The following GRAMD1B variants were observed in gnomAD, a reference collection of about 807,000 sequenced individuals.
GRAMD1B encodes GRAM domain containing 1B, also known as protein Aster-B.
In GRAMD1B, 37 loss-of-function variants were observed where a neutral mutation model predicts 99.7. The ratio of observed to expected loss-of-function variants is 0.37; its 90% CI spans 0.29 to 0.49. The LOEUF (loss-of-function observed/expected upper bound fraction) is 0.49. Among genes scored for constraint, GRAMD1B ranks in the 20% least tolerant of loss-of-function variants. GRAMD1B has a pLI of 0.98. For synonymous variants in GRAMD1B, 427 were observed against 387.6 expected, an observed-to-expected ratio of 1.10 and a Z score of -1.19; for missense variants, 888 against 1,009.2, an observed-to-expected ratio of 0.88 and a Z score of 1.63.
Position 123,543,509 on chromosome 11 carries a change from C to T in GRAMD1B, c.453-33858C>T, listed in dbSNP as rs183602989. Among the ~76,000 whole-genome samples the T allele has an allele frequency of 7.2e-5, 11 of 152,326 alleles. No homozygotes were observed. The East Asian group carries it at 1.9e-3, about 27-fold the overall frequency. ...AGGAGGAAACCCTGCTTATGGGCAG[C>T]TCCCACTGTCACATAACAGCAAGAA... On this transcript the variant is annotated intron_variant, in intron 2 of 19. Transcript: ENST00000635736.
chr11:123,594,217 G>A (rs1950990807), intron 5 of GRAMD1B, 51 bp downstream of exon 5: 13 of 1,251,240 alleles, frequency 1.0e-5, no homozygotes, highest in East Asian at 6.9e-5. Context: ...GGGAGCCCCC[G>A]GCATAGCACT....
chr11:123,526,716 C>T (rs1235764580), intron 2 of GRAMD1B, among the ~76,000 whole-genome samples: 2 of 152,270 alleles, frequency 1.3e-5, no homozygotes, highest in East Asian at 3.9e-4. Context: ...GAGTGGACCG[C>T]TGCCTACCCC....
chr11:123,540,501 G>T lies in GRAMD1B; in HGVS notation c.453-36866G>T, dbSNP rs898391334. Among the ~76,000 whole-genome samples the T allele has an allele frequency of 3.9e-5, 6 of 152,150 alleles. No homozygotes were observed. In the East Asian group the frequency reaches 1.2e-3, roughly 29 times the overall value. On this transcript the variant is annotated intron_variant, in intron 2 of 19. Transcript: ENST00000635736. ...CACTTTGCATTTGTATAGTATTTTT[G>T]CTTTTTAGAGTTCTCTTACATATGT...
chr11:123,554,157 C>A (rs958699872), intron 2 of GRAMD1B, among the ~76,000 whole-genome samples: 1 of 152,188 alleles, frequency 6.6e-6, no homozygotes, highest in Admixed American at 6.5e-5. Flanking sequence ...TCAGTTTCCT[C>A]TTCCATAAAG....
chr11:123,427,105 G>A (rs989872530), upstream of GRAMD1B, among the ~76,000 whole-genome samples: 4 of 152,302 alleles, frequency 2.6e-5, no homozygotes, highest in Middle Eastern at 3.4e-3. Context: ...CTGTGCGGTC[G>A]CTGAGAGCCA....
chr11:123,611,449 T>C (rs956558853), intron 14 of GRAMD1B, among the ~76,000 whole-genome samples: 3 of 152,058 alleles, frequency 2.0e-5, no homozygotes, highest in African/African-American at 7.2e-5. Context: ...AAAGAGGGCC[T>C]GCATCTTTTT....
chr11:123,482,162 A>G (rs1213601884), intron 2 of GRAMD1B, among the ~76,000 whole-genome samples: 1 of 151,706 alleles, frequency 6.6e-6, no homozygotes, highest in Non-Finnish European at 1.5e-5. Context: ...GCAGTGGTGC[A>G]ATCTCAGCTC....
At chr11:123,560,852 C>T (rs573857720) in intron 2 of GRAMD1B, among the ~76,000 whole-genome samples, 1 of 152,074 alleles carries the variant, frequency 6.6e-6, no homozygotes, top group Non-Finnish European at 1.5e-5. Context: ...TCTCATCTGA[C>T]GCAGGCTGCT....
chr11:123,520,154 G>A (rs766541939), intron 2 of GRAMD1B, among the ~76,000 whole-genome samples: 2 of 152,194 alleles, frequency 1.3e-5, no homozygotes, highest in African/African-American at 2.4e-5. Context: ...CAAAGCAGCT[G>A]CAATCAAAAG....
intron 2 of GRAMD1B, among the ~76,000 whole-genome samples, chr11:123,531,804 C>T (rs867155659): frequency 5.7e-5 from 8 of 141,228 alleles, no homozygotes; most frequent in Non-Finnish European, 1.0e-4. Flanking sequence ...GGTGCGATCT[C>T]GGCTCACCTC....
chr11:123,494,056 C>T (rs1055613009), intron 2 of GRAMD1B, among the ~76,000 whole-genome samples: 3 of 152,174 alleles, frequency 2.0e-5, no homozygotes, highest in African/African-American at 7.2e-5. Flanking sequence ...TTGTCTGTCT[C>T]CCCAACTAGT....
chr11:123,583,836 T>C (rs1431116392), intron 3 of GRAMD1B, among the ~76,000 whole-genome samples: 1 of 152,196 alleles, frequency 6.6e-6, no homozygotes, highest in Non-Finnish European at 1.5e-5. Flanking sequence ...ACCCGCCTGC[T>C]GAGAGTGCAG....
At chr11:123,561,816 A>T (rs542576429) in intron 2 of GRAMD1B, among the ~76,000 whole-genome samples, 1 of 152,306 alleles carries the variant, frequency 6.6e-6, no homozygotes, top group South Asian at 2.1e-4. Flanking sequence ...AGAAGTTTGG[A>T]ACCAAGATGA....
chr11:123,388,182 T>C (rs1045589871), intron 1 of GRAMD1B, among the ~76,000 whole-genome samples: 10 of 114,734 alleles, frequency 8.7e-5, no homozygotes, highest in Non-Finnish European at 1.3e-4. Flanking sequence ...GGGGGAAAAA[T>C]AGTAACTTTA....
intron 17 of GRAMD1B, among the ~76,000 whole-genome samples, chr11:123,617,389 A>G (rs1456518607): frequency 6.6e-6 from 1 of 151,722 alleles, no homozygotes; most frequent in African/African-American, 2.4e-5. Flanking sequence ...GGGTTTTGCT[A>G]TGTTGCCCAG....
rs999172977 is a variant in GRAMD1B at position 123,531,718 on chromosome 11, T to C, written c.453-45649T>C. The stretch of plus-strand genomic sequence containing the variant: ...AGGTGAAAGGATGTGACGGACTACA[T>C]ATTGCTAGATGGTTTTTTTTTTTTT... On this transcript the variant is annotated intron_variant, in intron 2 of 19. Transcript: ENST00000635736. 1.4e-4 allele frequency among the ~76,000 whole-genome samples: 21 copies of C among 148,462 alleles called. 1 individual carries two copies. Among genetic ancestry groups the C allele is most frequent in the Non-Finnish European group, 3.0e-5 (2 of 67,506 alleles).
chr11:123,508,676 C>G (rs1940673276), intron 2 of GRAMD1B, among the ~76,000 whole-genome samples: 1 of 152,050 alleles, frequency 6.6e-6, no homozygotes. Context: ...AATAAATGAT[C>G]ACACAATCAT....
At chr11:123,507,514 A>G (rs532554881) in intron 2 of GRAMD1B, among the ~76,000 whole-genome samples, 1 of 152,314 alleles carries the variant, frequency 6.6e-6, no homozygotes, top group South Asian at 2.1e-4. Flanking sequence ...GCTGGAAAAA[A>G]AACACGTTCC....
intron 2 of GRAMD1B, among the ~76,000 whole-genome samples, chr11:123,531,929 G>T (rs1023155265): frequency 2.0e-5 from 3 of 151,834 alleles, no homozygotes; most frequent in African/African-American, 4.8e-5. Flanking sequence ...TAGAGACAGG[G>T]TTTCTCTATG....
Sources: gnomAD v4.1 joint callset for allele counts (sites outside exome capture counted in the v4.1 genomes callset) on GRCh38, gnomAD v4.1.1 for gene constraint, MANE v1.5 for transcripts, NCBI Gene and HGNC (gene_info 2026-07-23, HGNC 2026-07-21) for gene names.